SLC18A1: variants seen among roughly 807,000 people sequenced by gnomAD.
The protein encoded by SLC18A1 is chromaffin granule amine transporter.
A neutral mutation model predicts 53.7 loss-of-function variants in SLC18A1; 69 were observed. The ratio of observed to expected loss-of-function variants is 1.28; its 90% CI spans 1.06 to 1.57. The LOEUF is 1.57. Ranked by LOEUF, SLC18A1 falls within the 40% of genes most tolerant of loss-of-function variation. The pLI is 0.00. For synonymous variants in SLC18A1, 320 were observed against 248.1 expected (o/e 1.29, Z -2.72); for missense variants, 932 against 668.1 (o/e 1.40, Z -4.35).
chr8:20,145,687 C>A lies in SLC18A1; in HGVS notation c.*76G>T. 1.1e-6 allele frequency: 1 copy of A among 912,098 alleles called. No individual in the cohort carries two copies. 56.5% of individuals were successfully genotyped at this position (912,098 alleles called of 1,614,324 possible). ...TATGTGAAGCCCACTGAGCCGTGGG[C>A]TCAGCCATGGTGATCTGGTCCCAGG... On this transcript the variant is annotated 3_prime_UTR_variant, in exon 16 of 16. Coordinates refer to ENST00000276373, the MANE Select transcript of SLC18A1 (RefSeq NM_003053.4).
At position 20,145,686 on chromosome 8, in the gene SLC18A1, G is replaced by A. The variant is rs942920053; in HGVS notation, c.*77C>T. 2.1e-5 allele frequency: 19 copies of A among 887,824 alleles called. No individual in the cohort carries two copies. The highest frequency in any genetic ancestry group is 3.2e-5 in the Non-Finnish European group (18 of 564,114). 55.0% of individuals were successfully genotyped at this position (887,824 alleles called of 1,614,324 possible). On this transcript the variant is annotated 3_prime_UTR_variant, in exon 16 of 16. Transcript: ENST00000276373. The stretch of plus-strand genomic sequence containing the variant: ...GTATGTGAAGCCCACTGAGCCGTGG[G>A]CTCAGCCATGGTGATCTGGTCCCAG...
chr8:20,155,792 C>G (rs1158200313), intron 10 of SLC18A1, among the ~76,000 whole-genome samples: 2 of 152,082 alleles, frequency 1.3e-5, no homozygotes, highest in East Asian at 3.9e-4. Flanking sequence ...AAGCTCTACA[C>G]TGTGTCCTTA....
intron 5 of SLC18A1, among the ~76,000 whole-genome samples, chr8:20,173,423 C>T (rs1350298653): frequency 1.3e-5 from 2 of 152,120 alleles, no homozygotes; most frequent in Non-Finnish European, 2.9e-5. Context: ...TTATCATTTC[C>T]TAGCACATTT....
At chr8:20,169,118 C>T (rs1024323274) in intron 8 of SLC18A1, among the ~76,000 whole-genome samples, 5 of 152,070 alleles carry the variant, frequency 3.3e-5, no homozygotes, top group South Asian at 2.1e-4. Flanking sequence ...TGAGAGGCGA[C>T]GGGCATTAAA....
chr8:20,182,762 A>G (rs1201095279), intron 1 of SLC18A1, among the ~76,000 whole-genome samples: 1 of 152,248 alleles, frequency 6.6e-6, no homozygotes, highest in East Asian at 1.9e-4. Context: ...CAGTAAATGC[A>G]TGCAATTACT....
chr8:20,171,318 A>G, intron 7 of SLC18A1, 87 bp downstream of exon 7: 1 of 1,349,924 alleles, frequency 7.4e-7, no homozygotes, highest in Admixed American at 1.7e-5. Flanking sequence ...CAAACCGCCC[A>G]TTCTTAGTGA....
rs2071434193 is a variant in SLC18A1, at chr8:20,147,618, T to C, written c.1315A>G (p.Met439Val). The change falls in exon 14 of 16, where the codon ATG becomes GTG. Residue 439 changes from methionine (M) to valine (V), a missense_variant. Physicochemically the swap from Met to Val is conservative, Grantham distance 21. Coordinates refer to ENST00000276373, the MANE Select transcript of SLC18A1 (RefSeq NM_003053.4). ...VYAIADVAFC[M>V]GFAIGPSTGG... is the part of the protein sequence containing the mutation. ...GCCAACATACCTATAGCAAAGCCCA[T>C]GCAAAAAGCCACATCAGCGATGGCG... 1.9e-6 allele frequency: 3 copies of C among 1,614,050 alleles called. No individual in the cohort carries two copies. Among genetic ancestry groups the C allele is most frequent in the Non-Finnish European group, 2.5e-6 (3 of 1,179,986 alleles).
At chr8:20,157,516 C>G (rs2071713089) in intron 10 of SLC18A1, among the ~76,000 whole-genome samples, 1 of 152,110 alleles carries the variant, frequency 6.6e-6, no homozygotes, top group Admixed American at 6.5e-5. Context: ...AGGAAGAAGG[C>G]TATGAATTAC....
chr8:20,147,898 TC>T, intron 13 of SLC18A1, 108 bp downstream of exon 13: 1 of 1,441,946 alleles, frequency 6.9e-7, no homozygotes, highest in Non-Finnish European at 9.5e-7. Flanking sequence ...GCCCTCCTGA[TC>T]CTTCTGCCTC....
chr8:20,161,349 AG>A (rs1306514011), intron 10 of SLC18A1, among the ~76,000 whole-genome samples: 27 of 152,216 alleles, frequency 1.8e-4, no homozygotes, highest in Admixed American at 6.5e-5. Flanking sequence ...AAAATATATG[AG>A]GAAAAAAAAT....
At chr8:20,182,038 T>A (rs752088516) in intron 1 of SLC18A1, 13 of 152,246 alleles carry the variant, frequency 8.5e-5, no homozygotes, top group Non-Finnish European at 1.9e-4. Context: ...CAGTACCTTG[T>A]CAAACTTCAA....
intron 10 of SLC18A1, among the ~76,000 whole-genome samples, chr8:20,158,139 C>T (rs1185362310): frequency 6.6e-6 from 1 of 152,176 alleles, no homozygotes; most frequent in African/African-American, 2.4e-5. Flanking sequence ...CCTGGGTATG[C>T]TTGACCTTTG....
At chr8:20,180,772 A>C in intron 2 of SLC18A1, 69 bp downstream of exon 2, 1 of 1,582,952 alleles carries the variant, frequency 6.3e-7, no homozygotes, top group African/African-American at 1.3e-5. Flanking sequence ...GTTGAACTCA[A>C]GCAGGGTGTA....
intron 15 of SLC18A1, 44 bp from the exon 16 acceptor site, chr8:20,145,920 ATT>A (rs35711001): frequency 7.8e-3 from 7,230 of 930,076 alleles, no homozygotes; most frequent in South Asian, 9.1e-3. Context: ...CATTATTATC[ATT>A]TTTTTTTTTT....
chr8:20,150,469 A>G (rs1194478073), intron 11 of SLC18A1, among the ~76,000 whole-genome samples, 197 bp downstream of exon 11: 1 of 152,222 alleles, frequency 6.6e-6, no homozygotes, highest in African/African-American at 2.4e-5. Flanking sequence ...CAATCAGCTC[A>G]GAGCTCAGGA....
In SLC18A1 at chr8:20,179,353, T is replaced by C. The variant is rs760575375; in HGVS notation, c.256A>G (p.Asn86Asp). 8 of 1,614,068 alleles carry C rather than the reference T, an allele frequency of 5.0e-6. No individual in the cohort carries two copies. The highest frequency in any genetic ancestry group is 1.7e-5 in the Admixed American group (1 of 60,002). The part of the protein sequence containing the change: ...PAFSTIFSFF[N>D]NNTVAVEESV... ...TCTTCAACAGCCACGGTGTTGTTGT[T>C]GAAGAAGGAGAAGATGGTGGAAAAG... Residue 86 changes from asparagine (N) to aspartate (D), a missense_variant, in exon 3 of 16, where the codon AAC (asparagine) becomes GAC (aspartate). Asn to Asp is a conservative substitution (Grantham distance 23). Transcript: ENST00000276373.
intron 6 of SLC18A1, 34 bp downstream of exon 6, chr8:20,173,002 T>C: frequency 1.1e-6 from 1 of 906,912 alleles, no homozygotes; most frequent in Non-Finnish European, 1.7e-6. Flanking sequence ...AGTCCCACCC[T>C]CCCGAACCCA....
At chr8:20,163,875 GC>G (rs1374845236) in intron 10 of SLC18A1, among the ~76,000 whole-genome samples, 2 of 152,152 alleles carry the variant, frequency 1.3e-5, no homozygotes, top group East Asian at 3.9e-4. Flanking sequence ...TCCCTAGGCT[GC>G]TGGGGAGGAG....
intron 8 of SLC18A1, among the ~76,000 whole-genome samples, chr8:20,168,527 T>C (rs1028647061): frequency 1.3e-5 from 2 of 152,130 alleles, no homozygotes; most frequent in African/African-American, 2.4e-5. Flanking sequence ...TAAATATTTA[T>C]AAATATATAC....
Sources: gnomAD v4.1 joint callset for allele counts (sites outside exome capture counted in the v4.1 genomes callset) on GRCh38, gnomAD v4.1.1 for gene constraint, MANE v1.5 for transcripts, NCBI Gene and HGNC (gene_info 2026-07-23, HGNC 2026-07-21) for gene names.